COL25A1: variants seen among roughly 807,000 people sequenced by gnomAD.
The protein encoded by COL25A1 is collagen alpha-1(XXV) chain.
COL25A1 carries 103 observed loss-of-function variants against 128.4 expected under a neutral mutation model. That is an observed-to-expected ratio of 0.80 (90% CI 0.68 to 0.94). The LOEUF (loss-of-function observed/expected upper bound fraction) is 0.94. COL25A1 is among the 40% of genes least tolerant of loss of function. The probability of loss-of-function intolerance (pLI) is 0.00; values close to 1 mark genes in which losing one functional copy is unlikely to be tolerated. For missense variants in COL25A1, 745 were observed against 840.0 expected (o/e 0.89, Z 1.40); for synonymous variants, 279 against 277.2 (o/e 1.01, Z -0.06).
intron 5 of COL25A1, among the ~76,000 whole-genome samples, chr4:109,035,558 G>T (rs1183365376): frequency 2.0e-5 from 3 of 152,174 alleles, no homozygotes; most frequent in Non-Finnish European, 4.4e-5. Flanking sequence ...AGTATTGGAA[G>T]TTCTAGAAAC....
At chr4:109,029,785 C>T (rs1758658531) in intron 5 of COL25A1, among the ~76,000 whole-genome samples, 1 of 152,020 alleles carries the variant, frequency 6.6e-6, no homozygotes, top group African/African-American at 2.4e-5. Context: ...CTCAAAAACT[C>T]AGAAATACAG....
chr4:108,827,828 C>T (rs1732565824), intron 32 of COL25A1, among the ~76,000 whole-genome samples: 1 of 152,036 alleles, frequency 6.6e-6, no homozygotes, highest in Admixed American at 6.6e-5. Flanking sequence ...GCCTGAAATA[C>T]CTTTCCTTCT....
chr4:108,991,614 T>C (rs1754237939), intron 6 of COL25A1, among the ~76,000 whole-genome samples: 1 of 152,140 alleles, frequency 6.6e-6, no homozygotes, highest in Non-Finnish European at 1.5e-5. Flanking sequence ...ACATTCTTAG[T>C]TTAATATGAC....
intron 3 of COL25A1, among the ~76,000 whole-genome samples, chr4:109,067,095 G>GT (rs530778843): frequency 2.6e-5 from 4 of 151,968 alleles, no homozygotes; most frequent in South Asian, 2.1e-4. Flanking sequence ...GGCCTTCAAG[G>GT]TTTTTTTTGG....
chr4:109,040,111 A>G (rs1045009978), intron 5 of COL25A1, among the ~76,000 whole-genome samples: 1 of 152,218 alleles, frequency 6.6e-6, no homozygotes, highest in Non-Finnish European at 1.5e-5. Flanking sequence ...AAGAACATCT[A>G]GGTAACCTGG....
chr4:109,130,578 A>T (rs1769098823), intron 3 of COL25A1, among the ~76,000 whole-genome samples: 2 of 152,164 alleles, frequency 1.3e-5, no homozygotes, highest in Non-Finnish European at 2.9e-5. Flanking sequence ...AAACTAGAAA[A>T]TAAGCTTGAA....
chr4:108,907,393 C>T (rs542097142), intron 13 of COL25A1, among the ~76,000 whole-genome samples: 38 of 152,336 alleles, frequency 2.5e-4, no homozygotes, highest in African/African-American at 8.9e-4. Flanking sequence ...CCTTCACCCC[C>T]AGTGCCTCAG....
At position 109,297,871 on chromosome 4, in the gene COL25A1, T is replaced by C. The variant is rs1725135689; in HGVS notation, c.367+2712A>G. Among the ~76,000 whole-genome samples the C allele has an allele frequency of 8.0e-5, 11 of 137,136 alleles. No individual in the cohort carries two copies. In the South Asian group the frequency reaches 2.5e-3, roughly 32 times the overall value. 90.0% of individuals were successfully genotyped at this position (137,136 alleles called of 152,430 possible). A position where few individuals can be genotyped will look rare whatever the true frequency, so the allele number is the denominator to read the frequency against. On this transcript the variant is annotated intron_variant, in intron 3 of 37. Transcript: ENST00000399132. ...AGTCTTTTTTCCTTTTCTTTTTTTT[T>C]TTTTTTTTTTTTTTTTTTTTGCCGA...
chr4:108,911,310 C>T lies in COL25A1; in HGVS notation c.780+6862G>A, dbSNP rs76787802. On this transcript the variant is annotated intron_variant, in intron 13 of 37. Transcript: ENST00000399132. ...GTGATAGCTTCTCTTCTTTTGCCAA[C>T]TCCTGTTTACACTGGGAACCTCACT... 5.3e-3 allele frequency among the ~76,000 whole-genome samples: 806 copies of T among 152,318 alleles called. 3 individuals are homozygous for T. Among genetic ancestry groups the T allele is most frequent in the Non-Finnish European group, 8.9e-3 (606 of 68,024 alleles).
At chr4:108,913,407 C>T (rs1265295885) in intron 13 of COL25A1, among the ~76,000 whole-genome samples, 7 of 151,760 alleles carry the variant, frequency 4.6e-5, no homozygotes, top group Non-Finnish European at 1.0e-4. Context: ...TACAGGCATG[C>T]ACCACCATGC....
rs536163940 is a variant in COL25A1 at position 108,991,971 on chromosome 4, A to AATT, written c.439-17415_439-17413dup. ...TAAAATACTGTGAAATGAAATTAAT[A>AATT]ATTAGAACACACACACAGAAGGAAG... is the stretch of plus-strand genomic sequence containing the variant. On this transcript the variant is annotated intron_variant, in intron 6 of 37. Coordinates refer to ENST00000399132, the MANE Select transcript of COL25A1 (RefSeq NM_198721.4). Among the ~76,000 whole-genome samples the AATT allele has an allele frequency of 3.3e-3, 505 of 152,326 alleles. 3 individuals carry two copies. The highest frequency in any genetic ancestry group is 0.012 in the African/African-American group (497 of 41,582).
intron 3 of COL25A1, among the ~76,000 whole-genome samples, chr4:109,128,119 C>T (rs1768806964): frequency 6.6e-6 from 1 of 152,110 alleles, no homozygotes; most frequent in African/African-American, 2.4e-5. Context: ...TAGCCTAAAA[C>T]AATAGCCAAG....
At chr4:108,904,449 G>A (rs1381620509) in intron 13 of COL25A1, among the ~76,000 whole-genome samples, 1 of 151,972 alleles carries the variant, frequency 6.6e-6, no homozygotes, top group Non-Finnish European at 1.5e-5. Flanking sequence ...GTCTTGCTGA[G>A]GAATAAAGCA....
At chr4:109,253,031 T>TC (rs1345308534) in intron 3 of COL25A1, among the ~76,000 whole-genome samples, 1 of 152,188 alleles carries the variant, frequency 6.6e-6, no homozygotes, top group African/African-American at 2.4e-5. Flanking sequence ...TTGTGTCTTC[T>TC]CTTTCCTACT....
intron 3 of COL25A1, among the ~76,000 whole-genome samples, chr4:109,218,357 G>GTTTTTTTTTTTTTTTTTTTT (rs34056401): frequency 0.014 from 1,044 of 73,640 alleles, no homozygotes; most frequent in Middle Eastern, 0.017. Context: ...GTTTTTTGGG[G>GTTTTTTTTTTTTTTTTTTTT]TTTTTTTTTT....
At chr4:108,850,964 T>G (rs951409246) in intron 26 of COL25A1, among the ~76,000 whole-genome samples, 2 of 152,216 alleles carry the variant, frequency 1.3e-5, no homozygotes, top group African/African-American at 4.8e-5. Context: ...TGGAAACTTT[T>G]GAGGTTTGTG....
At chr4:109,093,466 A>AAC (rs1560679565) in intron 3 of COL25A1, among the ~76,000 whole-genome samples, 19 of 151,074 alleles carry the variant, frequency 1.3e-4, no homozygotes, top group African/African-American at 4.7e-4. Flanking sequence ...TGAAAAAAAA[A>AAC]AAAAAAAAAA....
In COL25A1 at chr4:109,117,071, GA is replaced by G. The variant is rs201457935; in HGVS notation, c.368-66893del. Among the ~76,000 whole-genome samples the G allele has an allele frequency of 1.1e-3, 163 of 148,594 alleles. 1 individual carries two copies. The highest frequency in any genetic ancestry group is 3.5e-3 in the Middle Eastern group (1 of 288). ...AGGAATATCAGAAGGAGAAGAAAGA[GA>G]AAAAAAAACAGAAGTAATATTTGTA... On this transcript the variant is annotated intron_variant, in intron 3 of 37. Coordinates refer to ENST00000399132, the MANE Select transcript of COL25A1 (RefSeq NM_198721.4).
chr4:108,899,448 G>A (rs1742561047), intron 14 of COL25A1, among the ~76,000 whole-genome samples: 2 of 152,066 alleles, frequency 1.3e-5, no homozygotes, highest in African/African-American at 2.4e-5. Flanking sequence ...CCAGAAACTG[G>A]CTTTTGGAGC....
Sources: gnomAD v4.1 joint callset for allele counts (sites outside exome capture counted in the v4.1 genomes callset) on GRCh38, gnomAD v4.1.1 for gene constraint, MANE v1.5 for transcripts, NCBI Gene and HGNC (gene_info 2026-07-23, HGNC 2026-07-21) for gene names.